The following CD109 variants were observed in gnomAD, a reference collection of about 807,000 sequenced individuals.
CD109 encodes CD109 antigen.
A neutral mutation model predicts 165.8 loss-of-function variants in CD109; 149 were observed. The observed-to-expected ratio is 0.90, with a 90% CI of 0.79 to 1.03. The LOEUF (loss-of-function observed/expected upper bound fraction) is 1.03. Ranked by LOEUF, CD109 falls within the 50% of genes least tolerant of loss-of-function variation. The pLI is 0.00. For synonymous variants in CD109, 585 were observed against 592.1 expected (o/e 0.99, Z 0.18); for missense variants, 1,712 against 1,677.8 (o/e 1.02, Z -0.36).
At chr6:73,744,264 A>G (rs558781058) in intron 5 of CD109, among the ~76,000 whole-genome samples, 2 of 152,344 alleles carry the variant, frequency 1.3e-5, no homozygotes, top group South Asian at 4.1e-4. Context: ...TGTCTAATAT[A>G]ATATCTGACC....
At position 73,825,867 on chromosome 6, in the gene CD109, A is replaced by G. The variant is rs1776258160; in HGVS notation, c.*2234A>G. Reference sequence around the variant, plus strand: ...GTGGCATGCACCTGTAGTCCCACCTACTCGGGAGGCTGAGGCAGGAGAATC... The same window carrying G: ...GTGGCATGCACCTGTAGTCCCACCTGCTCGGGAGGCTGAGGCAGGAGAATC... On this transcript the variant is annotated 3_prime_UTR_variant, in exon 33 of 33. Coordinates refer to ENST00000287097, the MANE Select transcript of CD109 (RefSeq NM_133493.5). 6.6e-6 allele frequency: 1 copy of G among 152,192 alleles called. No individual in the cohort carries two copies. The highest frequency in any genetic ancestry group is 1.5e-5 in the Non-Finnish European group (1 of 68,162). 9.4% of individuals were successfully genotyped at this position (152,192 alleles called of 1,614,324 possible).
At chr6:73,807,202 A>G (rs544557529) in intron 25 of CD109, 130 bp downstream of exon 25, 24 of 676,252 alleles carry the variant, frequency 3.5e-5, no homozygotes, top group Non-Finnish European at 5.5e-5. Context: ...GAATTTGAGT[A>G]CTCTTTTGCT....
chr6:73,720,772 A>G (rs9446996), intron 2 of CD109, among the ~76,000 whole-genome samples: 38,789 of 152,162 alleles, frequency 0.25, 5,142 homozygotes, highest in Admixed American at 0.31. Flanking sequence ...TGCTGGAATA[A>G]CAGCGTCAAC....
chr6:73,815,105 A>G lies in CD109; in HGVS notation c.3893A>G (p.Asp1298Gly), dbSNP rs559803578. 3 of 1,587,272 alleles carry G rather than the reference A, an allele frequency of 1.9e-6. No homozygotes were observed. Among genetic ancestry groups the G allele is most frequent in the East Asian group, 4.6e-5 (2 of 43,738 alleles). The change falls in exon 30 of 33, where the codon GAT becomes GGT. Residue 1298 changes from aspartate to glycine, a missense_variant. Transcript: ENST00000287097. ...AATAAAGATGATCTCAATCATGTGG[A>G]TTTGAATGTGTGTACAAGGTAAGTG... ...KENKDDLNHV[D>G]LNVCTSFSGP...
At chr6:73,686,213 T>C in the CD109 span, among the ~76,000 whole-genome samples, 6 of 152,240 alleles carry the variant, frequency 3.9e-5, no homozygotes, top group African/African-American at 1.4e-4. Context: ...TCAGCACTGG[T>C]GAAGGTACTC....
intron 7 of CD109, among the ~76,000 whole-genome samples, chr6:73,759,629 T>G (rs1773534265): frequency 6.6e-6 from 1 of 152,224 alleles, no homozygotes; most frequent in South Asian, 2.1e-4. Context: ...TGCTTCACAT[T>G]AAAGTCAAAA....
At chr6:73,719,440 A>G (rs1177859930) in intron 2 of CD109, among the ~76,000 whole-genome samples, 2 of 152,180 alleles carry the variant, frequency 1.3e-5, no homozygotes, top group Non-Finnish European at 2.9e-5. Flanking sequence ...GATTCCTTCT[A>G]CATTTATTAG....
intron 5 of CD109, 83 bp from the exon 6 acceptor site, chr6:73,756,560 T>G: frequency 1.2e-6 from 1 of 869,146 alleles, no homozygotes; most frequent in Non-Finnish European, 1.8e-6. Flanking sequence ...ATTTTCTAAA[T>G]TGTTTTATGC....
chr6:73,694,289 C>A (rs1200837889), upstream of CD109: 1 of 152,166 alleles, frequency 6.6e-6, no homozygotes, highest in Admixed American at 6.5e-5. Flanking sequence ...CTGTGCCAGG[C>A]ATGTAATAGC....
intron 7 of CD109, among the ~76,000 whole-genome samples, chr6:73,760,157 C>T (rs145895662): frequency 0.024 from 3,694 of 152,128 alleles, 68 homozygotes; most frequent in East Asian, 0.042. Flanking sequence ...CCTGTAATCC[C>T]AGCACTTTGG....
chr6:73,725,778 C>A (rs1258369589), intron 3 of CD109, among the ~76,000 whole-genome samples: 1 of 152,250 alleles, frequency 6.6e-6, no homozygotes, highest in African/African-American at 2.4e-5. Context: ...CTCCCAAAGT[C>A]CTGGGATTAC....
At chr6:73,733,226 A>G (rs546273812) in intron 4 of CD109, among the ~76,000 whole-genome samples, 47 of 152,292 alleles carry the variant, frequency 3.1e-4, no homozygotes, top group Non-Finnish European at 5.4e-4. Context: ...CCTGAACTGG[A>G]GCCCCTGACT....
chr6:73,750,476 C>A (rs1432489881), intron 5 of CD109, among the ~76,000 whole-genome samples: 3 of 152,088 alleles, frequency 2.0e-5, no homozygotes, highest in Non-Finnish European at 4.4e-5. Context: ...GGAGTGAGGC[C>A]TGAGAAAGGT....
intron 15 of CD109, among the ~76,000 whole-genome samples, chr6:73,773,826 C>A (rs893695736): frequency 2.0e-5 from 3 of 151,974 alleles, no homozygotes; most frequent in Non-Finnish European, 4.4e-5. Context: ...ATTATTTCTT[C>A]CTCCCCATTT....
At chr6:73,798,110 G>T (rs1215584080) in intron 23 of CD109, among the ~76,000 whole-genome samples, 16 of 142,524 alleles carry the variant, frequency 1.1e-4, no homozygotes, top group Non-Finnish European at 1.8e-4. Flanking sequence ...TCAGTGTCCT[G>T]TTTTTTTTTT....
chr6:73,811,229 T>C, intron 28 of CD109, 82 bp downstream of exon 28: 2 of 1,440,182 alleles, frequency 1.4e-6, no homozygotes, highest in Non-Finnish European at 1.9e-6. Flanking sequence ...AATCTGTTGA[T>C]TTCAACAAAG....
chr6:73,715,625 T>A (rs192580372), intron 2 of CD109, among the ~76,000 whole-genome samples: 7 of 152,152 alleles, frequency 4.6e-5, no homozygotes, highest in African/African-American at 9.6e-5. Context: ...ATTCTTTTTT[T>A]AATTTTTAAT....
In CD109 at chr6:73,768,035, C is replaced by A; in HGVS notation, c.1498-20C>A. ...TACTAGGTTTGGCAATAAATTAAAC[C>A]CATCTACTGTTCTTTTCAGGTAGTA... On this transcript the variant is annotated intron_variant, in intron 13 of 32. Coordinates refer to ENST00000287097, the MANE Select transcript of CD109 (RefSeq NM_133493.5). 1.3e-6 allele frequency: 2 copies of A among 1,599,752 alleles called. No individual in the cohort carries two copies. Among genetic ancestry groups the A allele is most frequent in the Non-Finnish European group, 1.7e-6 (2 of 1,170,642 alleles).
chr6:73,746,333 C>T (rs911387622), intron 5 of CD109, among the ~76,000 whole-genome samples: 1 of 152,046 alleles, frequency 6.6e-6, no homozygotes, highest in Admixed American at 6.6e-5. Flanking sequence ...GTACCAAGTC[C>T]CTGGGTGGAG....
Sources: gnomAD v4.1 joint callset for allele counts (sites outside exome capture counted in the v4.1 genomes callset) on GRCh38, gnomAD v4.1.1 for gene constraint, MANE v1.5 for transcripts, NCBI Gene and HGNC (gene_info 2026-07-23, HGNC 2026-07-21) for gene names.